Variants in FRMPD4 observed in about 807,000 individuals in gnomAD.
FRMPD4 encodes FERM and PDZ domain containing 4.
FRMPD4 carries 22 observed loss-of-function variants against 94.1 expected under a neutral mutation model. That is an observed-to-expected ratio of 0.23 (90% CI 0.17 to 0.33). The LOEUF is 0.33. Among genes scored for constraint, FRMPD4 ranks in the 10% least tolerant of loss-of-function variants. The pLI, the probability that FRMPD4 is intolerant of heterozygous loss-of-function variation, is 1.00. For synonymous variants in FRMPD4, 631 were observed against 548.6 expected, an observed-to-expected ratio of 1.15 and a Z score of -2.10; for missense variants, 1,111 against 1,339.9, an observed-to-expected ratio of 0.83 and a Z score of 2.67.
intron 2 of FRMPD4, among the ~76,000 whole-genome samples, chrX:12,606,698 GA>G (rs1427801697): frequency 9.0e-6 from 1 of 111,400 alleles, no homozygotes; most frequent in Non-Finnish European, 1.9e-5. Context: ...GGAAAATGGT[GA>G]AAACTCAGAA....
chrX:12,525,097 A>G (rs1024354902), intron 2 of FRMPD4, among the ~76,000 whole-genome samples: 1 of 110,954 alleles, frequency 9.0e-6, no homozygotes, highest in Non-Finnish European at 1.9e-5. Flanking sequence ...CTGACGGAGG[A>G]GACTGTGTAC....
chrX:12,365,006 G>C, intron 1 of FRMPD4, among the ~76,000 whole-genome samples: 1 of 112,569 alleles, frequency 8.9e-6, no homozygotes, highest in Non-Finnish European at 1.9e-5. Context: ...GCGTTCAGCT[G>C]GTGTTCTGCT....
At chrX:11,869,398 A>G (rs2053743191) in intron 2 of FRMPD4, among the ~76,000 whole-genome samples, 2 of 111,869 alleles carry the variant, frequency 1.8e-5, no homozygotes, top group South Asian at 7.4e-4. Flanking sequence ...ACAATCTATA[A>G]TGCTTTAAGC....
chrX:12,145,578 C>G (rs1447482657), intron 1 of FRMPD4, among the ~76,000 whole-genome samples: 3 of 112,974 alleles, frequency 2.7e-5, no homozygotes, highest in Non-Finnish European at 5.6e-5. Flanking sequence ...GATGTGTTTA[C>G]TTATTTTAGA....
chrX:12,009,331 C>T (rs769191506), intron 3 of FRMPD4, among the ~76,000 whole-genome samples: 12 of 112,063 alleles, frequency 1.1e-4, no homozygotes, highest in South Asian at 3.7e-4. Context: ...TTTAGAAAAG[C>T]GGTTATTTTT....
At chrX:11,969,821 G>A (rs929351287) in intron 3 of FRMPD4, among the ~76,000 whole-genome samples, 2 of 111,418 alleles carry the variant, frequency 1.8e-5, no homozygotes, top group African/African-American at 6.5e-5. Flanking sequence ...CCAAATAATC[G>A]TTTCGTAGAC....
At chrX:11,840,273 C>A (rs2053526819) in intron 1 of FRMPD4, among the ~76,000 whole-genome samples, 1 of 111,312 alleles carries the variant, frequency 9.0e-6, no homozygotes, top group Non-Finnish European at 1.9e-5. Context: ...TTTCAGTGTA[C>A]AAATATTACA....
At chrX:12,481,372 T>C (rs1344430716) in intron 1 of FRMPD4, among the ~76,000 whole-genome samples, 4 of 111,582 alleles carry the variant, frequency 3.6e-5, no homozygotes, top group African/African-American at 9.8e-5. Context: ...CAAATACTTA[T>C]TCTCCCACAT....
intron 4 of FRMPD4, among the ~76,000 whole-genome samples, chrX:12,622,023 G>A (rs28794511): frequency 0.029 from 938 of 31,850 alleles, 13 homozygotes; most frequent in African/African-American, 0.04. Context: ...AGAAAGGAAG[G>A]AAGGAAGGAA....
intron 3 of FRMPD4, among the ~76,000 whole-genome samples, chrX:12,107,454 CAG>C (rs2055310102): frequency 8.9e-6 from 1 of 112,109 alleles, no homozygotes; most frequent in East Asian, 2.8e-4. Flanking sequence ...GGGGAAAAAA[CAG>C]AGCAGGAAAG....
chrX:12,668,988 A>G (rs770811575), intron 4 of FRMPD4, among the ~76,000 whole-genome samples: 1 of 112,012 alleles, frequency 8.9e-6, no homozygotes, highest in East Asian at 2.8e-4. Flanking sequence ...GATGGACCCC[A>G]ATGATCTCTC....
At chrX:12,603,482 C>CTTGAA (rs2059102461) in intron 2 of FRMPD4, among the ~76,000 whole-genome samples, 1 of 112,038 alleles carries the variant, frequency 8.9e-6, no homozygotes, top group Non-Finnish European at 1.9e-5. Context: ...CAAGGAAAGC[C>CTTGAA]CTTTCCTTTT....
intron 1 of FRMPD4, among the ~76,000 whole-genome samples, chrX:12,484,130 A>G (rs1196397968): frequency 8.9e-6 from 1 of 112,272 alleles, no homozygotes; most frequent in Non-Finnish European, 1.9e-5. Context: ...TCTAGAGGCA[A>G]TGACAGAAGA....
In FRMPD4 at chrX:12,721,145, G is replaced by T. The variant is rs61739515; in HGVS notation, c.4576G>T (p.Val1526Phe). ...EEEEERGEAT[V>F]QVSCLYRPQM... is the part of the protein sequence containing the mutation. ...AGAAGAGGAGAGGGGAGAGGCCACC[G>T]TCCAGGTCTCTTGCCTCTATAGACC... The change falls in exon 17 of 17, where the codon GTC becomes TTC. Residue 1526 changes from valine to phenylalanine, a missense_variant. This residue lies in a region of FRMPD4 where 551 missense variants were observed against 591.6 expected (regional missense o/e 0.93). Transcript: ENST00000675598. The T allele has an allele frequency of 0.013, 9,943 of 753,828 alleles. 57 individuals carry two copies. The highest frequency in any genetic ancestry group is 0.028 in the Middle Eastern group (73 of 2,564). 62.1% of individuals were successfully genotyped at this position (753,828 alleles called of 1,213,427 possible).
At chrX:12,459,060 A>G (rs1396604146) in intron 1 of FRMPD4, among the ~76,000 whole-genome samples, 3 of 111,780 alleles carry the variant, frequency 2.7e-5, no homozygotes, top group East Asian at 2.8e-4. Context: ...GAAAAGATCT[A>G]TCACAGAGAT....
intron 9 of FRMPD4, among the ~76,000 whole-genome samples, chrX:12,696,351 A>G (rs961885622): frequency 1.8e-5 from 2 of 111,165 alleles, no homozygotes; most frequent in African/African-American, 6.6e-5. Flanking sequence ...GTTTGTCCCA[A>G]AGGGAATTTA....
rs935560045 is a variant in FRMPD4 at position 11,834,611 on chromosome X, A to G, written c.-161+11896A>G. Among the ~76,000 whole-genome samples, 3 of 111,872 alleles carry G rather than the reference A, an allele frequency of 2.7e-5. 1 individual carries two copies. The Admixed American group carries it at 2.9e-4, about 11-fold the overall frequency. ...GTGATAGACTTGCAGGTAGCTGAAG[A>G]TGGAAAGCTGTCATATTCCTTCAAA... On this transcript the variant is annotated intron_variant, in intron 1 of 18. Transcript: ENST00000640291.
intron 1 of FRMPD4, among the ~76,000 whole-genome samples, chrX:12,357,155 C>G (rs983104101): frequency 1.8e-5 from 2 of 112,032 alleles, no homozygotes; most frequent in Non-Finnish European, 3.8e-5. Context: ...GGCATCTAAT[C>G]TCATCCCAGT....
intron 1 of FRMPD4, among the ~76,000 whole-genome samples, chrX:12,236,884 T>A (rs1197032901): frequency 4.5e-5 from 5 of 111,613 alleles, no homozygotes; most frequent in Non-Finnish European, 9.4e-5. Flanking sequence ...CCAGGAGAAA[T>A]TTGGCCAGTT....
Sources: gnomAD v4.1 joint callset for allele counts (sites outside exome capture counted in the v4.1 genomes callset) on GRCh38, gnomAD v4.1.1 for gene constraint, gnomAD v4.1.1 regional missense constraint, MANE v1.5 for transcripts, NCBI Gene and HGNC (gene_info 2026-07-23, HGNC 2026-07-21) for gene names.